The following CIT variants were observed in gnomAD, a reference collection of about 807,000 sequenced individuals.
CIT encodes the protein citron rho-interacting serine/threonine kinase, also known as citron Rho-interacting kinase.
Under a neutral mutation model 272.7 loss-of-function variants are expected in CIT, and 79 were observed. The ratio of observed to expected loss-of-function variants is 0.29; its 90% CI spans 0.24 to 0.35. The LOEUF is 0.35. Among genes scored for constraint, CIT ranks in the 10% least tolerant of loss-of-function variants. CIT has a pLI of 1.00. For missense variants in CIT, 1,909 were observed against 2,618.3 expected, an observed-to-expected ratio of 0.73 and a Z score of 5.91; for synonymous variants, 948 against 995.6, an observed-to-expected ratio of 0.95 and a Z score of 0.90.
intron 47 of CIT, among the ~76,000 whole-genome samples, chr12:119,688,936 G>A (rs1955752376): frequency 6.7e-6 from 1 of 149,104 alleles, no homozygotes; most frequent in Non-Finnish European, 1.5e-5. Flanking sequence ...CAAGGTGGGA[G>A]GATTGCTTGA....
intron 9 of CIT, among the ~76,000 whole-genome samples, chr12:119,821,589 A>ACATG (rs1268210493): frequency 1.3e-5 from 2 of 152,186 alleles, no homozygotes; most frequent in Non-Finnish European, 2.9e-5. Context: ...ACATTCTTAG[A>ACATG]CATGATCAGC....
intron 32 of CIT, among the ~76,000 whole-genome samples, chr12:119,717,258 G>C (rs1413666298): frequency 6.6e-6 from 1 of 151,956 alleles, no homozygotes; most frequent in Non-Finnish European, 1.5e-5. Flanking sequence ...CTCCATGTTG[G>C]TCAGGCTAGT....
At chr12:119,730,428 T>C in intron 27 of CIT, 67 bp downstream of exon 27, 1 of 1,505,958 alleles carries the variant, frequency 6.6e-7, no homozygotes, top group Non-Finnish European at 8.9e-7. Flanking sequence ...TGAATTTTTA[T>C]CAAGCGTGCC....
Position 119,718,135 on chromosome 12 carries a change from T to C in CIT, c.4168+110A>G. On this transcript the variant is annotated intron_variant, in intron 32 of 47. Coordinates refer to ENST00000392521, the MANE Select transcript of CIT (RefSeq NM_001206999.2). This position sits in a 1 kb window ranked among gnomAD's most constrained non-coding sequence, Gnocchi z 4.8. ...GGTTACAGGTGTGAGCCACCGTGCC[T>C]GGCCAAGACTGACTTTTTAATCTTT... The C allele has an allele frequency of 7.7e-7, 1 of 1,302,866 alleles. No homozygotes were observed. Among genetic ancestry groups the C allele is most frequent in the Middle Eastern group, 2.0e-4 (1 of 5,034 alleles). 80.7% of individuals were successfully genotyped at this position (1,302,866 alleles called of 1,614,324 possible).
chr12:119,851,036 C>A (rs182152133), intron 4 of CIT, among the ~76,000 whole-genome samples: 1 of 152,092 alleles, frequency 6.6e-6, no homozygotes, highest in African/African-American at 2.4e-5. Flanking sequence ...TAAAATGAAC[C>A]CTGTGAAGTT....
chr12:119,758,096 C>A (rs1961267721), intron 21 of CIT, among the ~76,000 whole-genome samples: 2 of 152,164 alleles, frequency 1.3e-5, no homozygotes, highest in African/African-American at 4.8e-5. Flanking sequence ...TGGGAGATCT[C>A]TGAAGAGAGA....
chr12:119,716,205 C>T (rs1411099041), intron 32 of CIT, among the ~76,000 whole-genome samples: 1 of 151,482 alleles, frequency 6.6e-6, no homozygotes, highest in African/African-American at 2.4e-5. Context: ...TGGTGAAACC[C>T]TATCTCTACT....
intron 18 of CIT, among the ~76,000 whole-genome samples, chr12:119,769,001 C>T (rs533709749): frequency 6.6e-6 from 1 of 151,838 alleles, no homozygotes; most frequent in Non-Finnish European, 1.5e-5. Context: ...GGTACTCCGG[C>T]GGGTGGCAAG....
chr12:119,868,231 C>A (rs2138390730), intron 3 of CIT, among the ~76,000 whole-genome samples: 1 of 152,116 alleles, frequency 6.6e-6, no homozygotes, highest in East Asian at 1.9e-4. Context: ...CCAAAAAAAA[C>A]AAAAATTATA....
At position 119,784,560 on chromosome 12, in the gene CIT, C is replaced by T. The variant is rs534113589; in HGVS notation, c.1401+400G>A. 1.0e-5 allele frequency: 12 copies of T among 1,171,602 alleles called. No individual in the cohort carries two copies. In the African/African-American group the frequency reaches 1.4e-4, roughly 14 times the overall value. The allele number at this position is 1,171,602 out of a possible 1,614,324, so 72.6% of individuals were successfully genotyped here. A position where few individuals can be genotyped will look rare whatever the true frequency, so the allele number is the denominator to read the frequency against. ...ACAGTGAATGTTAAGAGACGTTGAG[C>T]GTAATCAACACAGTGGCCGCAGTGA... On this transcript the variant is annotated intron_variant, in intron 11 of 47. Coordinates refer to ENST00000392521, the MANE Select transcript of CIT (RefSeq NM_001206999.2). The surrounding 1 kb of genome is among the most constrained non-coding windows in gnomAD (Gnocchi z 4.7).
At chr12:119,816,024 T>C (rs1300388596) in intron 9 of CIT, among the ~76,000 whole-genome samples, 2 of 152,314 alleles carry the variant, frequency 1.3e-5, no homozygotes, top group African/African-American at 2.4e-5. Context: ...ATGACCTCAT[T>C]TGTATTGTGG....
chr12:119,866,270 C>G (rs2138376909), intron 3 of CIT, among the ~76,000 whole-genome samples: 1 of 152,238 alleles, frequency 6.6e-6, no homozygotes, highest in Non-Finnish European at 1.5e-5. Context: ...AGTTTCCTCT[C>G]AGGTGGAATT....
chr12:119,778,396 G>C (rs1963976136), intron 13 of CIT, among the ~76,000 whole-genome samples: 1 of 152,224 alleles, frequency 6.6e-6, no homozygotes, highest in African/African-American at 2.4e-5. Flanking sequence ...AAGGTGACTT[G>C]TGGGGTGAGG....
chr12:119,850,354 C>A, intron 4 of CIT, 79 bp from the exon 5 acceptor site: 2 of 634,746 alleles, frequency 3.2e-6, no homozygotes, highest in Non-Finnish European at 5.1e-6. Flanking sequence ...GTCTTTATGC[C>A]TAAACTGATG....
At chr12:119,833,995 T>G (rs1968825920) in intron 6 of CIT, 91 bp downstream of exon 6, 7 of 1,321,042 alleles carry the variant, frequency 5.3e-6, no homozygotes, top group Non-Finnish European at 7.3e-6. Flanking sequence ...ATCTTGATCT[T>G]GAAATCACTC....
intron 10 of CIT, among the ~76,000 whole-genome samples, chr12:119,800,581 G>A (rs1452327464): frequency 1.3e-5 from 2 of 152,194 alleles, no homozygotes; most frequent in Non-Finnish European, 2.9e-5. Context: ...CAAATCTGAG[G>A]TCAATTTACC....
chr12:119,779,365 AAAAATT>A (rs970866302), intron 13 of CIT, among the ~76,000 whole-genome samples: 4 of 152,174 alleles, frequency 2.6e-5, no homozygotes, highest in African/African-American at 9.7e-5. Flanking sequence ...CTTCCTCCAT[AAAAATT>A]AAAATTAAAA....
chr12:119,718,235 T>C lies in CIT; in HGVS notation c.4168+10A>G, dbSNP rs760959660. 4.9e-5 allele frequency: 79 copies of C among 1,599,486 alleles called. No homozygotes were observed. Among genetic ancestry groups the C allele is most frequent in the Non-Finnish European group, 6.1e-5 (72 of 1,171,902 alleles). ...CGACTAAAAGAAATTTCCATACAAC[T>C]CCAACGTACCCTCTGGAGTTGAAGA... On this transcript the variant is annotated intron_variant, in intron 32 of 47. Transcript: ENST00000392521. This position sits in a 1 kb window ranked among gnomAD's most constrained non-coding sequence, Gnocchi z 4.8.
Position 119,712,428 on chromosome 12 carries a change from A to G in CIT, c.4685-81T>C. The G allele has an allele frequency of 1.3e-6, 2 of 1,488,026 alleles. No homozygotes were observed. Among genetic ancestry groups the G allele is most frequent in the South Asian group, 2.5e-5 (2 of 78,450 alleles). 92.2% of individuals were successfully genotyped at this position (1,488,026 alleles called of 1,614,324 possible). On this transcript the variant is annotated intron_variant, in intron 36 of 47. Transcript: ENST00000392521. The surrounding 1 kb of genome is among the most constrained non-coding windows in gnomAD (Gnocchi z 5.2). ...GAGGGACGGGCCTGAGAGATCAAAG[A>G]TGCCCACCAAACCACGCAAATCCCA...
Sources: allele counts gnomAD v4.1 joint callset (sites outside exome capture counted in the v4.1 genomes callset), GRCh38; gene constraint gnomAD v4.1.1; non-coding constraint Gnocchi (gnomAD v3.1); transcripts MANE v1.5; gene names NCBI Gene and HGNC (gene_info 2026-07-23, HGNC 2026-07-21).